Variants in TRPM3 observed in about 807,000 individuals in gnomAD.
TRPM3 encodes transient receptor potential cation channel subfamily M member 3.
TRPM3 carries 77 observed loss-of-function variants against 181.2 expected under a neutral mutation model. That is an observed-to-expected ratio of 0.42 (90% CI 0.35 to 0.51). The LOEUF is 0.51. Among genes scored for constraint, TRPM3 ranks in the 20% least tolerant of loss-of-function variants. The pLI is 0.01. For missense variants in TRPM3, 1,759 were observed against 2,196.7 expected, an observed-to-expected ratio of 0.80 and a Z score of 3.98; for synonymous variants, 745 against 796.4, an observed-to-expected ratio of 0.94 and a Z score of 1.09.
At chr9:70,570,127 T>C (rs113566011) in intron 22 of TRPM3, among the ~76,000 whole-genome samples, 2 of 152,232 alleles carry the variant, frequency 1.3e-5, no homozygotes, top group African/African-American at 2.4e-5. Flanking sequence ...TCTGTATTTG[T>C]GTAGAATCTT....
At chr9:70,841,129 T>A (rs1348878320) in intron 5 of TRPM3, among the ~76,000 whole-genome samples, 3 of 152,124 alleles carry the variant, frequency 2.0e-5, no homozygotes, top group African/African-American at 7.2e-5. Context: ...ACATATTTGT[T>A]CTAGTGCAAA....
At chr9:71,317,008 T>C (rs1206033971) in intron 1 of TRPM3, among the ~76,000 whole-genome samples, 1 of 152,042 alleles carries the variant, frequency 6.6e-6, no homozygotes, top group Non-Finnish European at 1.5e-5. Flanking sequence ...CATGAAAGAG[T>C]TTGAGGTTAT....
At chr9:70,946,633 C>T (rs975822819) in intron 1 of TRPM3, among the ~76,000 whole-genome samples, 1 of 152,008 alleles carries the variant, frequency 6.6e-6, no homozygotes. Flanking sequence ...AATGAATTTT[C>T]ACACATTAAA....
At chr9:71,378,772 C>T (rs968801289) in intron 1 of TRPM3, among the ~76,000 whole-genome samples, 6 of 151,988 alleles carry the variant, frequency 3.9e-5, no homozygotes, top group Non-Finnish European at 7.4e-5. Flanking sequence ...GTAAATCATA[C>T]TTGCTAATTA....
intron 21 of TRPM3, among the ~76,000 whole-genome samples, chr9:70,596,973 T>A (rs1252252733): frequency 6.6e-6 from 1 of 152,070 alleles, no homozygotes; most frequent in Non-Finnish European, 1.5e-5. Context: ...TAGCTCTTCT[T>A]GCCCAGGCTG....
chr9:71,163,086 C>A (rs1254057316), intron 1 of TRPM3, among the ~76,000 whole-genome samples: 1 of 152,130 alleles, frequency 6.6e-6, no homozygotes, highest in East Asian at 1.9e-4. Context: ...TATGTTCATG[C>A]TAATGAAATG....
At chr9:71,336,532 T>C (rs1349524633) in intron 1 of TRPM3, among the ~76,000 whole-genome samples, 1 of 152,186 alleles carries the variant, frequency 6.6e-6, no homozygotes, top group African/African-American at 2.4e-5. Flanking sequence ...CTGCCCAAAG[T>C]AATTTATAGA....
chr9:70,548,153 G>A (rs546523217), intron 25 of TRPM3, among the ~76,000 whole-genome samples: 5 of 152,230 alleles, frequency 3.3e-5, no homozygotes, highest in South Asian at 2.1e-4. Context: ...AACAATTTCC[G>A]GGGAACCACA....
chr9:70,578,599 T>C (rs1412545237), intron 22 of TRPM3, among the ~76,000 whole-genome samples: 1 of 152,152 alleles, frequency 6.6e-6, no homozygotes, highest in African/African-American at 2.4e-5. Flanking sequence ...GAAGACAGAG[T>C]GAGCAGAGCA....
intron 1 of TRPM3, among the ~76,000 whole-genome samples, chr9:71,116,651 C>T (rs2072451696): frequency 6.6e-6 from 1 of 151,960 alleles, no homozygotes; most frequent in African/African-American, 2.4e-5. Flanking sequence ...TCAGTTAATT[C>T]CCTTGTGTTA....
At chr9:71,015,494 G>T (rs1290987645) in intron 1 of TRPM3, among the ~76,000 whole-genome samples, 1 of 152,172 alleles carries the variant, frequency 6.6e-6, no homozygotes, top group Non-Finnish European at 1.5e-5. Flanking sequence ...AAATGGTTTG[G>T]ACAAGATAAA....
In TRPM3 at chr9:70,657,804, C is replaced by A. The variant is rs145135934; in HGVS notation, c.1346-17144G>T. The stretch of plus-strand genomic sequence containing the variant: ...TCACATCTTCGGGTCTGGTAGAAGA[C>A]GCCGATCAAAGTAAACTGCATTCTG... On this transcript the variant is annotated intron_variant, in intron 9 of 25. Transcript: ENST00000677713. Among the ~76,000 whole-genome samples, 14 of 152,166 alleles carry A rather than the reference C, an allele frequency of 9.2e-5. No homozygotes were observed. In the East Asian group the frequency reaches 1.7e-3, roughly 19 times the overall value.
chr9:71,361,990 C>T (rs2092166320), intron 1 of TRPM3, among the ~76,000 whole-genome samples: 1 of 152,158 alleles, frequency 6.6e-6, no homozygotes, highest in Admixed American at 6.6e-5. Flanking sequence ...CCCCTTCATT[C>T]TGCAAGCCAG....
chr9:71,204,048 T>C (rs2078966813), intron 1 of TRPM3, among the ~76,000 whole-genome samples: 1 of 151,904 alleles, frequency 6.6e-6, no homozygotes, highest in South Asian at 2.1e-4. Context: ...TTACACCTTA[T>C]ACAAAAATTA....
upstream of TRPM3, among the ~76,000 whole-genome samples, chr9:71,123,329 G>A (rs905985272): frequency 3.9e-5 from 6 of 152,184 alleles, no homozygotes; most frequent in Non-Finnish European, 8.8e-5. Flanking sequence ...CTGGAATCAA[G>A]CTGCATGGTT....
At chr9:70,603,532 A>C in intron 19 of TRPM3, 62 bp from the exon 20 acceptor site, 3 of 1,596,908 alleles carry the variant, frequency 1.9e-6, no homozygotes, top group Non-Finnish European at 2.6e-6. Context: ...GCATCAGCCA[A>C]GGCCACTGCA....
chr9:70,853,816 A>T (rs2095310776), intron 3 of TRPM3, among the ~76,000 whole-genome samples: 1 of 152,206 alleles, frequency 6.6e-6, no homozygotes, highest in African/African-American at 2.4e-5. Flanking sequence ...GATATAAATA[A>T]AGCATTTAAG....
intron 1 of TRPM3, among the ~76,000 whole-genome samples, chr9:71,328,474 T>C (rs1262487780): frequency 6.6e-6 from 1 of 152,188 alleles, no homozygotes; most frequent in Non-Finnish European, 1.5e-5. Flanking sequence ...CCGACTTCTC[T>C]TTTATCTTCC....
At chr9:70,857,928 T>G (rs984582640) in intron 3 of TRPM3, among the ~76,000 whole-genome samples, 2 of 152,198 alleles carry the variant, frequency 1.3e-5, no homozygotes, top group Non-Finnish European at 2.9e-5. Flanking sequence ...TCAAGTGTCC[T>G]TGGTGGCTTA....
Sources: gnomAD v4.1 joint callset for allele counts (sites outside exome capture counted in the v4.1 genomes callset) on GRCh38, gnomAD v4.1.1 for gene constraint, MANE v1.5 for transcripts, NCBI Gene and HGNC (gene_info 2026-07-23, HGNC 2026-07-21) for gene names.